TBCE: variants seen among roughly 807,000 people sequenced by gnomAD.
The protein encoded by TBCE is tubulin folding cofactor E.
TBCE carries 53 observed loss-of-function variants against 77.0 expected under a neutral mutation model. The observed-to-expected ratio is 0.69, with a 90% CI of 0.55 to 0.87. The LOEUF (loss-of-function observed/expected upper bound fraction) is 0.87, where lower values mean the gene tolerates loss of function less well. Ranked by LOEUF, TBCE falls within the 40% of genes least tolerant of loss-of-function variation. TBCE has a pLI of 0.00. For missense variants in TBCE, 624 were observed against 622.4 expected (o/e 1.00, Z -0.03); for synonymous variants, 235 against 241.3 (o/e 0.97, Z 0.24).
At chr1:235,373,066 G>C (rs1450588611) in intron 1 of TBCE, among the ~76,000 whole-genome samples, 1 of 151,908 alleles carries the variant, frequency 6.6e-6, no homozygotes, top group Non-Finnish European at 1.5e-5. Flanking sequence ...AGTTGAGGTA[G>C]CTCAAACCTG....
At chr1:235,441,492 A>G (rs748441252) in intron 13 of TBCE, 14 of 312,962 alleles carry the variant, frequency 4.5e-5, no homozygotes, top group South Asian at 1.1e-4. Context: ...GTTTTGAGTC[A>G]GGACACCTAA....
At chr1:235,440,518 G>C (rs2102934773) in intron 13 of TBCE, among the ~76,000 whole-genome samples, 1 of 152,002 alleles carries the variant, frequency 6.6e-6, no homozygotes, top group East Asian at 1.9e-4. Flanking sequence ...TCAGCCTCCT[G>C]AGAAGCTGGG....
At chr1:235,443,106 T>C in intron 15 of TBCE, 195 bp downstream of exon 15, 1 of 612,124 alleles carries the variant, frequency 1.6e-6, no homozygotes, top group Non-Finnish European at 2.9e-6. Context: ...AGTTCAGGTC[T>C]CCCCTAACTT....
chr1:235,446,326 G>A lies in TBCE; in HGVS notation c.1400-2023G>A, dbSNP rs945505232. On this transcript the variant is annotated intron_variant, in intron 15 of 16. Transcript: ENST00000642610. Reference sequence around the variant, plus strand: ...CAAGTAGCTGGGATAACAGGTGCCCGCCACCATGCCTGGCTAATTTTTGTA... The same window carrying A: ...CAAGTAGCTGGGATAACAGGTGCCCACCACCATGCCTGGCTAATTTTTGTA... 1.8e-4 allele frequency among the ~76,000 whole-genome samples: 27 copies of A among 152,024 alleles called. No individual in the cohort carries two copies. The East Asian group carries it at 2.3e-3, about 13-fold the overall frequency.
intron 1 of TBCE, among the ~76,000 whole-genome samples, chr1:235,372,181 A>G (rs1432306609): frequency 6.6e-6 from 1 of 151,932 alleles, no homozygotes; most frequent in Non-Finnish European, 1.5e-5. Flanking sequence ...TTTGCTGTGC[A>G]TATTTAGCTG....
rs547946172 is a variant in TBCE at position 235,390,667 on chromosome 1, A to G, written c.100+10518A>G. ...TCCGAGCTACTTGGGAGGCTGAGGC[A>G]GGAGAATCGCTTGAACCTGGGAGAC... On this transcript the variant is annotated intron_variant, in intron 2 of 16. Coordinates refer to ENST00000642610, the MANE Select transcript of TBCE (RefSeq NM_003193.5). 4.0e-5 allele frequency among the ~76,000 whole-genome samples: 6 copies of G among 151,536 alleles called. No individual in the cohort carries two copies. In the South Asian group the frequency reaches 1.3e-3, roughly 32 times the overall value.
chr1:235,398,292 C>A (rs1304041221), intron 2 of TBCE, among the ~76,000 whole-genome samples: 1 of 151,554 alleles, frequency 6.6e-6, no homozygotes, highest in Non-Finnish European at 1.5e-5. Flanking sequence ...ATTACAGGCA[C>A]CCGCCACCAC....
chr1:235,442,746 T>C, intron 14 of TBCE, 106 bp from the exon 15 acceptor site: 1 of 1,061,382 alleles, frequency 9.4e-7, no homozygotes, highest in South Asian at 1.4e-5. Context: ...ACCTGCCAAT[T>C]TGCACTGAAT....
intron 1 of TBCE, among the ~76,000 whole-genome samples, chr1:235,379,345 T>C (rs552916542): frequency 2.2e-3 from 341 of 152,080 alleles, no homozygotes; most frequent in African/African-American, 8.1e-3. Flanking sequence ...CTGGCCAACA[T>C]GGTGAAACCC....
rs764862219 is a variant in TBCE at position 235,419,443 on chromosome 1, G to A, written c.372-30G>A. The stretch of plus-strand genomic sequence containing the variant: ...GCCAGTGGATAGCATACGTGCTTAT[G>A]TATCCATGTGAACTCTGTTTTTCAT... On this transcript the variant is annotated intron_variant, in intron 4 of 16. Coordinates refer to ENST00000642610, the MANE Select transcript of TBCE (RefSeq NM_003193.5). 8.7e-6 allele frequency: 14 copies of A among 1,613,916 alleles called. No homozygotes were observed. The Admixed American group carries it at 1.8e-4, about 21-fold the overall frequency.
rs1553341621 is a variant in TBCE at position 235,448,331 on chromosome 1, T to G, written c.1400-18T>G. 8.7e-6 allele frequency: 14 copies of G among 1,612,468 alleles called. 1 individual carries two copies. The South Asian group carries it at 1.2e-4, about 14-fold the overall frequency. ...TGTCATTTGAGAGAACGAATGGACTTTTCTTGTCTTTTGATAGGCTCCATG... is the reference window on the plus strand; with the variant it reads ...TGTCATTTGAGAGAACGAATGGACTGTTCTTGTCTTTTGATAGGCTCCATG... On this transcript the variant is annotated intron_variant, in intron 15 of 16. Transcript: ENST00000642610.
chr1:235,380,322 GT>G (rs1157294914), intron 2 of TBCE, among the ~76,000 whole-genome samples, 173 bp downstream of exon 2: 1 of 152,022 alleles, frequency 6.6e-6, no homozygotes, highest in Non-Finnish European at 1.5e-5. Flanking sequence ...TTTTATCTGA[GT>G]GACAGTATCC....
chr1:235,435,311 G>A (rs1681374309), intron 8 of TBCE, among the ~76,000 whole-genome samples: 1 of 152,210 alleles, frequency 6.6e-6, no homozygotes, highest in South Asian at 2.1e-4. Context: ...ATGTTGGCCC[G>A]GCTGGTCTTG....
rs755605311 is a variant in TBCE, at chr1:235,414,499, A to T, written c.252A>T (p.Ala84=). The change falls in exon 4 of 17, where the codon GCA becomes GCT. Residue 84 remains alanine, a synonymous_variant. Coordinates refer to ENST00000642610, the MANE Select transcript of TBCE (RefSeq NM_003193.5). The part of the protein sequence containing the change: ...KVNFGTDFLT[A]IKNRYVLEDG... The stretch of plus-strand genomic sequence containing the variant: ...ATTTTGGAACAGACTTTCTTACTGC[A>T]ATTAAGAACCGCTATGTGTTAGAAG... The T allele has an allele frequency of 3.7e-6, 6 of 1,613,792 alleles. No individual in the cohort carries two copies. In the African/African-American group the frequency reaches 8.0e-5, roughly 22 times the overall value.
chr1:235,401,147 G>A (rs1679078148), intron 2 of TBCE, among the ~76,000 whole-genome samples: 1 of 152,068 alleles, frequency 6.6e-6, no homozygotes, highest in African/African-American at 2.4e-5. Flanking sequence ...TGAATGTACA[G>A]TTTAGTAGTA....
intron 2 of TBCE, 25 bp downstream of exon 2, chr1:235,380,174 TG>T: frequency 4.3e-6 from 1 of 235,220 alleles, no homozygotes; most frequent in Non-Finnish European, 6.1e-6. Flanking sequence ...TGTGTGTGTG[TG>T]TGTGTGTGTG....
chr1:235,427,270 A>T (rs758926132), intron 6 of TBCE, 31 bp downstream of exon 6: 59 of 1,475,350 alleles, frequency 4.0e-5, no homozygotes, highest in Non-Finnish European at 1.8e-5. Flanking sequence ...AATCTTCATT[A>T]ACAATAAAGC....
At chr1:235,447,448 C>A (rs1682442034) in intron 15 of TBCE, among the ~76,000 whole-genome samples, 1 of 152,212 alleles carries the variant, frequency 6.6e-6, no homozygotes, top group African/African-American at 2.4e-5. Flanking sequence ...GTATTCTGAA[C>A]AAACCAAAGC....
At chr1:235,399,251 A>G (rs967852824) in intron 2 of TBCE, among the ~76,000 whole-genome samples, 15 of 152,158 alleles carry the variant, frequency 9.9e-5, no homozygotes, top group African/African-American at 3.6e-4. Flanking sequence ...CACCAAGCCT[A>G]GAGATGATTA....
Sources: gnomAD v4.1 joint callset for allele counts (sites outside exome capture counted in the v4.1 genomes callset) on GRCh38, gnomAD v4.1.1 for gene constraint, MANE v1.5 for transcripts, NCBI Gene and HGNC (gene_info 2026-07-23, HGNC 2026-07-21) for gene names.